OR2T27: variants seen among roughly 807,000 people sequenced by gnomAD.
The protein encoded by OR2T27 is olfactory receptor family 2 subfamily T member 27.
For missense variants in OR2T27, 152 were observed against 397.2 expected (o/e 0.38, Z 5.25); for synonymous variants, 51 against 152.9 (o/e 0.33, Z 4.92).
chr1:248,653,055 ACTG>A (rs1328112792), intron 1 of OR2T27, among the ~76,000 whole-genome samples: 7 of 94,770 alleles, frequency 7.4e-5, no homozygotes, highest in African/African-American at 2.0e-4. Context: ...AGCCACAGTG[ACTG>A]CTATTGGTCC....
chr1:248,653,198 C>T (rs1661056845), intron 1 of OR2T27, among the ~76,000 whole-genome samples: 3 of 142,050 alleles, frequency 2.1e-5, no homozygotes, highest in Non-Finnish European at 4.6e-5. Context: ...GGGGATCTCC[C>T]CAGCTTACTT....
intron 1 of OR2T27, among the ~76,000 whole-genome samples, chr1:248,653,505 C>A (rs1254546805): frequency 1.0e-5 from 1 of 96,296 alleles, no homozygotes; most frequent in African/African-American, 2.8e-5. Flanking sequence ...AGACACTCAG[C>A]TTGGTTCACA....
Position 248,649,999 on chromosome 1 carries a change from C to A in OR2T27, c.886G>T (p.Asp296Tyr). 1.3e-6 allele frequency: 2 copies of A among 1,576,714 alleles called. No homozygotes were observed. The highest frequency in any genetic ancestry group is 1.7e-6 in the Non-Finnish European group (2 of 1,157,816). ...NPLIYSLRNK[D>Y]VTGALQKVVG... ...ACCTTCTGTAGGGCCCCTGTGACAT[C>A]CTTGTTCCTAAGGCTGTAAATGAGT... Residue 296 changes from aspartate (D) to tyrosine (Y), a missense_variant, in exon 2 of 2, where the codon GAT (aspartate) becomes TAT (tyrosine). Asp to Tyr is a radical substitution (Grantham distance 160). Transcript: ENST00000460972.
Position 248,650,437 on chromosome 1 carries a change from G to C in OR2T27, c.448C>G (p.Leu150Val). Residue 150 changes from leucine (L) to valine (V), a missense_variant, in exon 2 of 2, where the codon CTG (leucine) becomes GTG (valine). Leu to Val is a conservative substitution (Grantham distance 32). Transcript: ENST00000460972. ...AAGAAACCATCGATAGACCCTCCCA[G>C]CCAGGCTGCCGCCACAATCAACCAG... ...ICWLIVAAAW[L>V]GGSIDGFLLT... 6.5e-7 allele frequency: 1 copy of C among 1,549,572 alleles called. No homozygotes were observed. The highest frequency in any genetic ancestry group is 1.1e-5 in the South Asian group (1 of 87,042).
chr1:248,653,309 G>A (rs61834278), intron 1 of OR2T27, among the ~76,000 whole-genome samples: 93,471 of 112,494 alleles, frequency 0.83, 41,929 homozygotes, highest in East Asian at 1. Flanking sequence ...TATTTTAAGA[G>A]TTACCCAGTA....
intron 1 of OR2T27, among the ~76,000 whole-genome samples, chr1:248,651,986 T>G (rs773705429): frequency 5.9e-5 from 9 of 151,458 alleles, no homozygotes; most frequent in Admixed American, 2.0e-4. Context: ...TTAAAATTAG[T>G]TTCACCTATT....
At chr1:248,655,371 C>CAA (rs1032469516) in intron 1 of OR2T27, 73 bp downstream of exon 1, 16 of 123,378 alleles carry the variant, frequency 1.3e-4, no homozygotes, top group African/African-American at 3.9e-4. Flanking sequence ...TGGTTTGAAC[C>CAA]AAAACTTTCT....
At chr1:248,655,232 GAAAAGAT>G (rs1176528781) in intron 1 of OR2T27, among the ~76,000 whole-genome samples, 15 of 43,114 alleles carry the variant, frequency 3.5e-4, no homozygotes, top group South Asian at 4.2e-3. Flanking sequence ...CTGATGTACA[GAAAAGAT>G]AAGAGTCCAT....
At chr1:248,651,399 A>G (rs1324935518) in intron 1 of OR2T27, 9 of 71,150 alleles carry the variant, frequency 1.3e-4, no homozygotes, top group African/African-American at 2.5e-4. Flanking sequence ...ACACTTGTAC[A>G]TTGTAAAATG....
At chr1:248,651,849 C>T (rs1231011080) in intron 1 of OR2T27, among the ~76,000 whole-genome samples, 83 of 40,776 alleles carry the variant, frequency 2.0e-3, no homozygotes, top group African/African-American at 2.9e-3. Context: ...CCCTGAAACA[C>T]GACTGCTCCA....
Position 248,650,043 on chromosome 1 carries a change from A to T in OR2T27, c.842T>A (p.Leu281His). The T allele has an allele frequency of 6.3e-7, 1 of 1,575,642 alleles. No individual in the cohort carries two copies. Among genetic ancestry groups the T allele is most frequent in the Non-Finnish European group, 8.6e-7 (1 of 1,156,962 alleles). The stretch of plus-strand genomic sequence containing the variant: ...AATGAGTGGATTGAGCATGGGAGTA[A>T]GGATGGTGTAGAAGGCAGATACAGC... ...DKAVSAFYTI[L>H]TPMLNPLIYS... The change falls in exon 2 of 2, where the codon CTT becomes CAT. Residue 281 changes from leucine to histidine, a missense_variant. By Grantham distance (99) the Leu-to-His change is moderately conservative. Coordinates refer to ENST00000460972, the MANE Select transcript of OR2T27 (RefSeq NM_001001824.2).
At chr1:248,654,052 CTA>C (rs1256220646) in intron 1 of OR2T27, among the ~76,000 whole-genome samples, 1 of 36,348 alleles carries the variant, frequency 2.8e-5, no homozygotes, top group African/African-American at 3.6e-5. Flanking sequence ...GACATTAAAA[CTA>C]TGCAACCATT....
chr1:248,653,913 T>C (rs1416437115), intron 1 of OR2T27, among the ~76,000 whole-genome samples: 2 of 102,014 alleles, frequency 2.0e-5, no homozygotes, highest in African/African-American at 5.6e-5. Context: ...CAAAAAGTTT[T>C]GAAATATTTC....
intron 1 of OR2T27, chr1:248,651,717 A>G (rs1412617606): frequency 1.4e-5 from 1 of 70,508 alleles, no homozygotes; most frequent in South Asian, 6.7e-4. Context: ...ATATGTATCC[A>G]TATCAGTTAA....
chr1:248,653,726 T>C (rs1196058018), intron 1 of OR2T27, among the ~76,000 whole-genome samples: 1 of 111,226 alleles, frequency 9.0e-6, no homozygotes, highest in African/African-American at 2.7e-5. Flanking sequence ...ATGAAAAAAA[T>C]TGAACATAGT....
Position 248,650,120 on chromosome 1 carries a change from G to A in OR2T27, c.765C>T (p.Ala255=), listed in dbSNP as rs200410497. 0.01 allele frequency: 16,099 copies of A among 1,564,082 alleles called. 1,622 individuals carry two copies. In the African/African-American group the frequency reaches 0.2, roughly 20 times the overall value. The change falls in exon 2 of 2, where the codon GCC becomes GCT. Residue 255 remains alanine (A), a synonymous_variant. Transcript: ENST00000460972. ...MVVVSLFYGA[A]MYTYVLPHSY... Reference sequence around the variant, plus strand: ...AATGAGGCAGCACGTATGTGTACATGGCAGCCCCATAGAAGAGGCTGACAA... The same window carrying A: ...AATGAGGCAGCACGTATGTGTACATAGCAGCCCCATAGAAGAGGCTGACAA...
rs140660533 is a variant in OR2T27 at position 248,649,994 on chromosome 1, G to A, written c.891C>T (p.Val297=). The A allele has an allele frequency of 5.0e-4, 782 of 1,577,188 alleles. 105 individuals are homozygous for A. The East Asian group carries it at 0.017, about 33-fold the overall frequency. ...PLIYSLRNKD[V]TGALQKVVGR... is the part of the protein sequence containing the mutation. ...CCACAACCTTCTGTAGGGCCCCTGT[G>A]ACATCCTTGTTCCTAAGGCTGTAAA... Residue 297 remains valine (V), a synonymous_variant, in exon 2 of 2, where the codon GTC becomes GTT. Transcript: ENST00000460972.
Position 248,650,030 on chromosome 1 carries a change from G to A in OR2T27, c.855C>T (p.Leu285=). The stretch of plus-strand genomic sequence containing the variant: ...TCCTAAGGCTGTAAATGAGTGGATT[G>A]AGCATGGGAGTAAGGATGGTGTAGA... ...SAFYTILTPM[L]NPLIYSLRNK... The change falls in exon 2 of 2, where the codon CTC becomes CTT. Residue 285 remains leucine, a synonymous_variant. Coordinates refer to ENST00000460972, the MANE Select transcript of OR2T27 (RefSeq NM_001001824.2). 3 of 1,577,142 alleles carry A rather than the reference G, an allele frequency of 1.9e-6. No homozygotes were observed. The highest frequency in any genetic ancestry group is 1.7e-6 in the Non-Finnish European group (2 of 1,157,640).
At chr1:248,651,913 T>C (rs1378684945) in intron 1 of OR2T27, among the ~76,000 whole-genome samples, 1 of 85,134 alleles carries the variant, frequency 1.2e-5, no homozygotes. Context: ...TAAAAATATA[T>C]GCAACACATC....
Sources: allele counts gnomAD v4.1 joint callset (sites outside exome capture counted in the v4.1 genomes callset), GRCh38; gene constraint gnomAD v4.1.1; transcripts MANE v1.5; gene names NCBI Gene and HGNC (gene_info 2026-07-23, HGNC 2026-07-21).